Variants in STAU2 observed in about 807,000 individuals in gnomAD.
The protein encoded by STAU2 is staufen double-stranded RNA binding protein 2, also known as double-stranded RNA-binding protein Staufen homolog 2.
A neutral mutation model predicts 65.9 loss-of-function variants in STAU2; 20 were observed. That is an observed-to-expected ratio of 0.30 (90% CI 0.21 to 0.44). STAU2 has a LOEUF of 0.44. STAU2 is among the 20% of genes least tolerant of loss of function. The pLI is 1.00. For missense variants in STAU2, 558 were observed against 683.9 expected (o/e 0.82, Z 2.05); for synonymous variants, 232 against 233.9 (o/e 0.99, Z 0.07).
chr8:73,448,069 C>A (rs1818573102), intron 13 of STAU2, among the ~76,000 whole-genome samples: 1 of 152,188 alleles, frequency 6.6e-6, no homozygotes, highest in Non-Finnish European at 1.5e-5. Flanking sequence ...ACTGGACTAA[C>A]CCGGGTGCAA....
At chr8:73,611,592 C>T (rs1249434445) in intron 9 of STAU2, among the ~76,000 whole-genome samples, 1 of 151,808 alleles carries the variant, frequency 6.6e-6, no homozygotes, top group East Asian at 1.9e-4. Flanking sequence ...ATAGTTAAAA[C>T]AAGAGTTAGA....
At chr8:73,619,864 GA>G (rs571776671) in intron 6 of STAU2, among the ~76,000 whole-genome samples, 1 of 151,274 alleles carries the variant, frequency 6.6e-6, no homozygotes, top group Non-Finnish European at 1.5e-5. Context: ...TTCAGAGTAT[GA>G]AAAAAAAGAA....
chr8:73,444,966 C>T (rs1818390724), intron 13 of STAU2, among the ~76,000 whole-genome samples: 1 of 152,170 alleles, frequency 6.6e-6, no homozygotes, highest in South Asian at 2.1e-4. Flanking sequence ...AAGGCATCCT[C>T]GCACTCTTCA....
chr8:73,738,871 T>C (rs1245324364), intron 2 of STAU2, among the ~76,000 whole-genome samples: 1 of 152,202 alleles, frequency 6.6e-6, no homozygotes, highest in African/African-American at 2.4e-5. Flanking sequence ...GAAAAGAGCA[T>C]ATAGTACAAT....
At chr8:73,605,411 C>T (rs552678898) in intron 9 of STAU2, among the ~76,000 whole-genome samples, 11 of 148,922 alleles carry the variant, frequency 7.4e-5, no homozygotes, top group African/African-American at 1.5e-4. Flanking sequence ...TGGGTTCAAG[C>T]GATTCTCTTG....
intron 14 of STAU2, among the ~76,000 whole-genome samples, chr8:73,421,923 T>G (rs1816406036): frequency 6.6e-6 from 1 of 151,930 alleles, no homozygotes; most frequent in African/African-American, 2.4e-5. Context: ...TGGAAAGAGG[T>G]TGAATTCTAC....
chr8:73,671,107 C>T (rs528470558), intron 6 of STAU2, among the ~76,000 whole-genome samples: 9 of 152,014 alleles, frequency 5.9e-5, no homozygotes, highest in Non-Finnish European at 1.2e-4. Flanking sequence ...TTCAGCCTCA[C>T]TAGTAATCAA....
chr8:73,687,169 G>C (rs1818908529), intron 5 of STAU2, among the ~76,000 whole-genome samples: 1 of 138,066 alleles, frequency 7.2e-6, no homozygotes, highest in South Asian at 2.2e-4. Flanking sequence ...ATATAATTAT[G>C]TATAATTATA....
At chr8:73,646,733 A>T (rs1815400722) in intron 6 of STAU2, among the ~76,000 whole-genome samples, 2 of 152,248 alleles carry the variant, frequency 1.3e-5, no homozygotes, top group African/African-American at 4.8e-5. Flanking sequence ...TCATCAAAAT[A>T]AAAAACTTCT....
intron 13 of STAU2, among the ~76,000 whole-genome samples, chr8:73,546,459 G>T (rs1277163750): frequency 1.3e-5 from 2 of 152,140 alleles, no homozygotes; most frequent in Non-Finnish European, 2.9e-5. Context: ...TCAAATAAAA[G>T]ATTTGTAGGC....
chr8:73,692,316 GCCC>G (rs1190716372), intron 4 of STAU2, among the ~76,000 whole-genome samples: 1 of 151,624 alleles, frequency 6.6e-6, no homozygotes, highest in Admixed American at 6.6e-5. Flanking sequence ...TCCTACCTCA[GCCC>G]CCCAAGTAGC....
chr8:73,551,204 C>G, intron 13 of STAU2: 1 of 987,520 alleles, frequency 1.0e-6, no homozygotes, highest in Non-Finnish European at 1.2e-6. Flanking sequence ...CTTTCAAAAG[C>G]TCCAATGTAT....
chr8:73,442,412 C>T (rs923974785), intron 13 of STAU2, among the ~76,000 whole-genome samples: 1 of 149,866 alleles, frequency 6.7e-6, no homozygotes, highest in Non-Finnish European at 1.5e-5. Context: ...CTTAAAATAA[C>T]CATTTCAAAG....
At chr8:73,503,485 T>C (rs914906802) in intron 13 of STAU2, among the ~76,000 whole-genome samples, 3 of 151,776 alleles carry the variant, frequency 2.0e-5, no homozygotes, top group African/African-American at 7.3e-5. Context: ...AACAGTGAAT[T>C]ACTATTTGAA....
chr8:73,707,056 CT>C (rs1159644746), intron 4 of STAU2, among the ~76,000 whole-genome samples: 1 of 152,288 alleles, frequency 6.6e-6, no homozygotes, highest in East Asian at 1.9e-4. Flanking sequence ...GCTCTTCACT[CT>C]TGGGAGAAGA....
rs57489089 is a variant in STAU2, at chr8:73,421,956, A to AT, written c.1620-492dup. ...TACTATATAAATATAACCCCTTTCCATTTTTTTTTTTTTTTTAGTATAAAT... is the reference window on the plus strand; with the variant it reads ...TACTATATAAATATAACCCCTTTCCATTTTTTTTTTTTTTTTTAGTATAAAT... On this transcript the variant is annotated intron_variant, in intron 14 of 14. Coordinates refer to ENST00000524300, the MANE Select transcript of STAU2 (RefSeq NM_001164380.2). Among the ~76,000 whole-genome samples, 202 of 144,312 alleles carry AT rather than the reference A, an allele frequency of 1.4e-3. 1 individual carries two copies. Among genetic ancestry groups the AT allele is most frequent in the Middle Eastern group, 3.5e-3 (1 of 282 alleles). The allele number at this position is 144,312 out of a possible 152,430, so 94.7% of individuals were successfully genotyped here.
In STAU2 at chr8:73,693,988, T is replaced by A. The variant is rs182944552; in HGVS notation, c.115-5175A>T. Among the ~76,000 whole-genome samples, 284 of 152,302 alleles carry A rather than the reference T, an allele frequency of 1.9e-3. 3 individuals carry two copies. Among genetic ancestry groups the A allele is most frequent in the Non-Finnish European group, 3.4e-3 (232 of 68,020 alleles). ...ACTGTACTTCAAATATAAAAGCACA[T>A]ATAGTTTTAAAGTAATGAGAAAAAC... On this transcript the variant is annotated intron_variant, in intron 4 of 14. Transcript: ENST00000524300.
chr8:73,520,135 G>A (rs1340097738), intron 13 of STAU2, among the ~76,000 whole-genome samples: 2 of 152,108 alleles, frequency 1.3e-5, no homozygotes, highest in Non-Finnish European at 2.9e-5. Flanking sequence ...ATAAAGCGTG[G>A]GTATAAGTAC....
intron 6 of STAU2, among the ~76,000 whole-genome samples, chr8:73,672,019 C>T (rs760547953): frequency 1.3e-5 from 2 of 150,370 alleles, no homozygotes; most frequent in African/African-American, 2.5e-5. Flanking sequence ...AGTGAGACTG[C>T]GTCTCAAAAA....
Sources: gnomAD v4.1 joint callset for allele counts (sites outside exome capture counted in the v4.1 genomes callset) on GRCh38, gnomAD v4.1.1 for gene constraint, MANE v1.5 for transcripts, NCBI Gene and HGNC (gene_info 2026-07-23, HGNC 2026-07-21) for gene names.